The following PER3 variants were observed in gnomAD, a reference collection of about 807,000 sequenced individuals.
PER3 encodes the protein period circadian regulator 3.
A neutral mutation model predicts 127.2 loss-of-function variants in PER3; 107 were observed. The observed-to-expected ratio is 0.84, with a 90% CI of 0.72 to 0.99. The LOEUF (loss-of-function observed/expected upper bound fraction) is 0.99. Ranked by LOEUF, PER3 falls within the 50% of genes least tolerant of loss-of-function variation. PER3 has a pLI of 0.00. For missense variants in PER3, 1,560 were observed against 1,525.8 expected (o/e 1.02, Z -0.37); for synonymous variants, 618 against 585.8 (o/e 1.05, Z -0.79).
In PER3 at chr1:7,844,140, G is replaced by A. The variant is rs2097402404; in HGVS notation, c.*1385G>A. On this transcript the variant is annotated 3_prime_UTR_variant, in exon 22 of 22. Coordinates refer to ENST00000377532, the MANE Select transcript of PER3 (RefSeq NM_001377275.1). ...TGTAAATGCGTCCTGATAATGATTA[G>A]GAAAATCGACCTTTTCATCCATGAT... 1 of 247,188 alleles carries A rather than the reference G, an allele frequency of 4.0e-6. No homozygotes were observed. The highest frequency in any genetic ancestry group is 7.2e-6 in the Non-Finnish European group (1 of 138,558). 15.3% of individuals were successfully genotyped at this position (247,188 alleles called of 1,614,324 possible).
At chr1:7,799,419 G>A (rs146538398) in intron 7 of PER3, among the ~76,000 whole-genome samples, 1,547 of 152,012 alleles carry the variant, frequency 0.01, 30 homozygotes, top group African/African-American at 0.035. Flanking sequence ...CCTGGCCAAC[G>A]TGATGAAACC....
intron 21 of PER3, among the ~76,000 whole-genome samples, chr1:7,838,415 TTC>T (rs1478181753): frequency 3.3e-5 from 5 of 152,146 alleles, no homozygotes; most frequent in African/African-American, 1.2e-4. Context: ...TTTCTCTTTT[TTC>T]TTTTTTTTTG....
chr1:7,797,740 C>T (rs1420103179), intron 6 of PER3, among the ~76,000 whole-genome samples: 5 of 151,952 alleles, frequency 3.3e-5, no homozygotes, highest in African/African-American at 4.8e-5. Flanking sequence ...CACACCTTTA[C>T]GTGCTGGCGA....
intron 5 of PER3, among the ~76,000 whole-genome samples, 198 bp from the exon 6 acceptor site, chr1:7,793,759 G>A (rs1050923312): frequency 6.6e-5 from 10 of 152,176 alleles, no homozygotes; most frequent in Non-Finnish European, 1.2e-4. Context: ...CACGGTTCCA[G>A]TACCAAAACC....
At chr1:7,799,893 A>G (rs1265647804) in intron 7 of PER3, among the ~76,000 whole-genome samples, 1 of 151,628 alleles carries the variant, frequency 6.6e-6, no homozygotes, top group African/African-American at 2.4e-5. Flanking sequence ...CGCAGCCTCC[A>G]GGGTAGTTAG....
intron 5 of PER3, among the ~76,000 whole-genome samples, 189 bp from the exon 6 acceptor site, chr1:7,793,768 C>T: frequency 6.6e-6 from 1 of 152,004 alleles, no homozygotes; most frequent in Non-Finnish European, 1.5e-5. Context: ...AGTACCAAAA[C>T]CAATACTAGT....
Position 7,820,621 on chromosome 1 carries a change from T to C in PER3, c.1938T>C (p.His646=), listed in dbSNP as rs148566529. ...SQCGYSSTIV[H]VPPPETARDA... is the part of the protein sequence containing the mutation. ...GCGGTTACAGCAGCACCATTGTCCATGTCCCACCCCCAGAGACAGGTACCA... is the reference window on the plus strand; with the variant it reads ...GCGGTTACAGCAGCACCATTGTCCACGTCCCACCCCCAGAGACAGGTACCA... Residue 646 remains histidine, a synonymous_variant, in exon 16 of 22, where the codon CAT becomes CAC. Coordinates refer to ENST00000377532, the MANE Select transcript of PER3 (RefSeq NM_001377275.1). The C allele has an allele frequency of 3.9e-4, 637 of 1,612,870 alleles. 2 individuals carry two copies. In the African/African-American group the frequency reaches 7.7e-3, roughly 20 times the overall value.
chr1:7,828,286 TTTG>T (rs1002481335), intron 18 of PER3, among the ~76,000 whole-genome samples: 12 of 152,242 alleles, frequency 7.9e-5, no homozygotes, highest in Non-Finnish European at 1.5e-5. Context: ...AGCTATTTTA[TTTG>T]TTATCAGTAG....
chr1:7,793,113 C>T (rs992145218), intron 5 of PER3, among the ~76,000 whole-genome samples: 4 of 152,158 alleles, frequency 2.6e-5, no homozygotes, highest in African/African-American at 7.2e-5. Flanking sequence ...ACTGTTTATG[C>T]TACCTTCAGT....
chr1:7,796,013 A>T (rs2097143700), intron 6 of PER3, among the ~76,000 whole-genome samples: 1 of 152,194 alleles, frequency 6.6e-6, no homozygotes, highest in African/African-American at 2.4e-5. Flanking sequence ...GTGGGGTTCA[A>T]AATGGTCCCA....
intron 5 of PER3, among the ~76,000 whole-genome samples, chr1:7,792,869 C>G (rs771394872): frequency 3.3e-5 from 5 of 152,200 alleles, no homozygotes; most frequent in African/African-American, 4.8e-5. Flanking sequence ...TCTTAGATCA[C>G]GTAGTCTAGC....
chr1:7,800,806 G>A (rs553043481), intron 7 of PER3, among the ~76,000 whole-genome samples: 1 of 134,978 alleles, frequency 7.4e-6, no homozygotes, highest in African/African-American at 2.9e-5. Flanking sequence ...CAACCTGGGG[G>A]ATAGAGCAAG....
Position 7,835,765 on chromosome 1 carries a change from G to T in PER3, c.3218G>T (p.Ser1073Ile), listed in dbSNP as rs1182915741. The T allele has an allele frequency of 1.3e-6, 2 of 1,598,898 alleles. No homozygotes were observed. The highest frequency in any genetic ancestry group is 1.7e-6 in the Non-Finnish European group (2 of 1,171,458). Residue 1073 changes from serine (S) to isoleucine (I), a missense_variant, in exon 20 of 22, where the codon AGC becomes ATC. Around this residue, in one of 3 missense-constraint regions of PER3, gnomAD observed 199 missense variants for 198.6 expected, o/e 1.00. Transcript: ENST00000377532. The stretch of plus-strand genomic sequence containing the variant: ...ATGTGTTGTTGATTTTTGACAGGAA[G>T]CAGCGACAGCAGTATATACCTTACT... ...PSRTGSAASG[S>I]SDSSIYLTSS... is the part of the protein sequence containing the mutation.
At chr1:7,836,458 C>T (rs1437936173) in intron 20 of PER3, among the ~76,000 whole-genome samples, 4 of 152,152 alleles carry the variant, frequency 2.6e-5, no homozygotes, top group Admixed American at 6.5e-5. Flanking sequence ...GGATTACAGG[C>T]GTGAGCCACT....
At chr1:7,824,163 C>T (rs996634943) in intron 16 of PER3, among the ~76,000 whole-genome samples, 1 of 151,972 alleles carries the variant, frequency 6.6e-6, no homozygotes, top group Middle Eastern at 3.2e-3. Flanking sequence ...TTTAAAAATG[C>T]CGTTAGAGAA....
chr1:7,811,987 G>C (rs900429979), intron 13 of PER3, among the ~76,000 whole-genome samples: 1 of 152,090 alleles, frequency 6.6e-6, no homozygotes, highest in Admixed American at 6.5e-5. Context: ...CTCTGCAAAA[G>C]AATTTATCTT....
chr1:7,824,740 C>G (rs780078111), intron 16 of PER3, among the ~76,000 whole-genome samples: 4 of 152,008 alleles, frequency 2.6e-5, no homozygotes, highest in Non-Finnish European at 5.9e-5. Context: ...GTAGTCTAGG[C>G]CTGTTTTTCC....
At chr1:7,785,379 C>T in intron 2 of PER3, 62 bp from the exon 3 acceptor site, 1 of 1,367,340 alleles carries the variant, frequency 7.3e-7, no homozygotes, top group African/African-American at 1.4e-5. Context: ...GTTTGTGTTC[C>T]CTAAGCCGCA....
chr1:7,787,761 T>C, intron 4 of PER3: 1 of 425,456 alleles, frequency 2.4e-6, no homozygotes, highest in Admixed American at 3.6e-5. Context: ...TATGGCACAG[T>C]TTGCAGAGAA....
Sources: allele counts gnomAD v4.1 joint callset (sites outside exome capture counted in the v4.1 genomes callset), GRCh38; gene constraint gnomAD v4.1.1; regional missense constraint gnomAD v4.1.1; transcripts MANE v1.5; gene names NCBI Gene and HGNC (gene_info 2026-07-23, HGNC 2026-07-21).